The following CD81 variants were observed in gnomAD, a reference collection of about 807,000 sequenced individuals.
CD81 encodes CD81 molecule, also known as CD81 antigen.
CD81 carries 10 observed loss-of-function variants against 30.1 expected under a neutral mutation model. The observed-to-expected ratio is 0.33, with a 90% CI of 0.21 to 0.56. The LOEUF (loss-of-function observed/expected upper bound fraction) is 0.56, where lower values mean the gene tolerates loss of function less well. Ranked by LOEUF, CD81 falls within the 20% of genes least tolerant of loss-of-function variation. The pLI, the probability that CD81 is intolerant of heterozygous loss-of-function variation, is 0.89. For missense variants in CD81, 263 were observed against 308.7 expected, an observed-to-expected ratio of 0.85 and a Z score of 1.11; for synonymous variants, 147 against 126.4, an observed-to-expected ratio of 1.16 and a Z score of -1.10.
Position 2,386,520 on chromosome 11 carries a change from C to G in CD81, c.67-3892C>G, listed in dbSNP as rs947204229. On this transcript the variant is annotated intron_variant, in intron 1 of 7. Transcript: ENST00000263645. ...CGCCTCCGTTTCCTCATCCAGAAAC[C>G]GGCAGTGACCATCACCACCATTGTT... The G allele has an allele frequency of 5.6e-6, 4 of 715,458 alleles. No homozygotes were observed. In the African/African-American group the frequency reaches 7.0e-5, roughly 12 times the overall value. 44.3% of individuals were successfully genotyped at this position (715,458 alleles called of 1,614,324 possible). A position where few individuals can be genotyped will look rare whatever the true frequency, so the allele number is the denominator to read the frequency against.
chr11:2,395,844 G>T, intron 5 of CD81, 25 bp from the exon 6 acceptor site: 4 of 1,550,566 alleles, frequency 2.6e-6, no homozygotes, highest in Non-Finnish European at 3.6e-6. Context: ...ATCCAGGGCT[G>T]ACCTTGCACC....
intron 1 of CD81, among the ~76,000 whole-genome samples, chr11:2,383,803 G>A (rs1051642806): frequency 1.3e-5 from 2 of 152,262 alleles, no homozygotes; most frequent in African/African-American, 4.8e-5. Context: ...GGGTGCCTGG[G>A]CAGGACTTGG....
At chr11:2,380,112 A>G (rs968979559) in intron 1 of CD81, among the ~76,000 whole-genome samples, 17 of 152,266 alleles carry the variant, frequency 1.1e-4, no homozygotes, top group African/African-American at 3.6e-4. Flanking sequence ...GGAAGGGCTC[A>G]GGGCGTGGGT....
rs12291676 is a variant in CD81 at position 2,390,306 on chromosome 11, C to T, written c.67-106C>T. On this transcript the variant is annotated intron_variant, in intron 1 of 7. Transcript: ENST00000263645. ...GCAGAGCTGACACCTGGTCCCTGCT[C>T]GGGAGCCAGCAAGGCAGGAGGCTGC... 0.039 allele frequency: 34,657 copies of T among 882,090 alleles called. 3,836 individuals carry two copies. The highest frequency in any genetic ancestry group is 0.34 in the African/African-American group (20,649 of 61,192). The allele number at this position is 882,090 out of a possible 1,614,324, so 54.6% of individuals were successfully genotyped here.
chr11:2,388,863 GGGAGTC>G (rs755908036), intron 1 of CD81, among the ~76,000 whole-genome samples: 5 of 152,218 alleles, frequency 3.3e-5, no homozygotes, highest in African/African-American at 4.8e-5. Context: ...CCAGGCCCAT[GGGAGTC>G]GGATGGTGGC....
At chr11:2,390,228 C>T (rs1849873453) in intron 1 of CD81, 184 bp from the exon 2 acceptor site, 2 of 668,296 alleles carry the variant, frequency 3.0e-6, no homozygotes, top group Admixed American at 2.1e-5. Context: ...GCCAAAGCAC[C>T]CGCCCCATGC....
intron 1 of CD81, among the ~76,000 whole-genome samples, chr11:2,387,006 C>T (rs538879294): frequency 3.9e-5 from 6 of 152,366 alleles, no homozygotes; most frequent in Admixed American, 2.0e-4. Flanking sequence ...GCAACGTGGC[C>T]TGAAGTCCCA....
intron 1 of CD81, among the ~76,000 whole-genome samples, chr11:2,381,557 C>G (rs537453679): frequency 1.3e-5 from 2 of 152,222 alleles, no homozygotes; most frequent in Non-Finnish European, 2.9e-5. Flanking sequence ...AATCGCACCA[C>G]GGGAAGAGCT....
In CD81 at chr11:2,395,944, A is replaced by G. The variant is rs1055793941; in HGVS notation, c.535A>G (p.Ser179Gly). 6.2e-6 allele frequency: 10 copies of G among 1,611,996 alleles called. No individual in the cohort carries two copies. Among genetic ancestry groups the G allele is most frequent in the Non-Finnish European group, 8.5e-6 (10 of 1,179,352 alleles). ...VLKNNLCPSG[S>G]NIISNLFKED... ...CAAGAACAATTTGTGTCCCTCGGGC[A>G]GCAACATCATCAGCAACCTCTTCAA... Residue 179 changes from serine (S) to glycine (G), a missense_variant, in exon 6 of 8, where the codon AGC becomes GGC. Coordinates refer to ENST00000263645, the MANE Select transcript of CD81 (RefSeq NM_004356.4).
intron 4 of CD81, 181 bp from the exon 5 acceptor site, chr11:2,395,235 C>A: frequency 1.4e-6 from 1 of 727,912 alleles, no homozygotes; most frequent in Non-Finnish European, 2.4e-6. Flanking sequence ...CCAGGCCAGC[C>A]TCCCGTGTCC....
At chr11:2,388,203 C>T (rs976011933) in intron 1 of CD81, among the ~76,000 whole-genome samples, 5 of 152,248 alleles carry the variant, frequency 3.3e-5, no homozygotes, top group Non-Finnish European at 5.9e-5. Flanking sequence ...CTTGCTACCA[C>T]GCCCAGCCCC....
chr11:2,393,890 TG>T (rs1207396678), intron 2 of CD81: 1 of 700,902 alleles, frequency 1.4e-6, no homozygotes, highest in Admixed American at 2.0e-5. Flanking sequence ...GTCTCCGTCC[TG>T]TGTCATGGAA....
chr11:2,391,087 TGGA>T (rs1283168292), intron 2 of CD81: 17 of 206,532 alleles, frequency 8.2e-5, no homozygotes, highest in East Asian at 1.2e-4. Context: ...GCAGGAGTGA[TGGA>T]GGAGGAGGAG....
At chr11:2,393,934 C>T (rs946751082) in intron 2 of CD81, 161 bp from the exon 3 acceptor site, 2 of 708,848 alleles carry the variant, frequency 2.8e-6, no homozygotes, top group Non-Finnish European at 5.2e-6. Flanking sequence ...CTCACCAGGC[C>T]AGGCTGGGAT....
In CD81 at chr11:2,390,400, G is replaced by A. The variant is rs750907818; in HGVS notation, c.67-12G>A. On this transcript the variant is annotated splice_polypyrimidine_tract_variant and intron_variant, in intron 1 of 7. Coordinates refer to ENST00000263645, the MANE Select transcript of CD81 (RefSeq NM_004356.4). ...TCTTCGTACATGTGACACTGTTCCCGCTCTTTCCCAGCTGGCTGGAGGCGT... is the reference window on the plus strand; with the variant it reads ...TCTTCGTACATGTGACACTGTTCCCACTCTTTCCCAGCTGGCTGGAGGCGT... 17 of 1,606,286 alleles carry A rather than the reference G, an allele frequency of 1.1e-5. No homozygotes were observed. The highest frequency in any genetic ancestry group is 1.4e-5 in the Non-Finnish European group (17 of 1,174,374).
At chr11:2,394,848 G>A in intron 3 of CD81, 124 bp from the exon 4 acceptor site, 1 of 859,904 alleles carries the variant, frequency 1.2e-6, no homozygotes, top group South Asian at 1.3e-5. Context: ...CTCCTGGTCA[G>A]GTCGTGGGCT....
rs964612459 is a variant in CD81 at position 2,385,056 on chromosome 11, C to CCGCT, written c.67-5355_67-5352dup. Among the ~76,000 whole-genome samples the CCGCT allele has an allele frequency of 3.0e-4, 45 of 152,122 alleles. 1 individual carries two copies. Among genetic ancestry groups the CCGCT allele is most frequent in the Non-Finnish European group, 2.4e-4 (16 of 68,012 alleles). On this transcript the variant is annotated intron_variant, in intron 1 of 7. Transcript: ENST00000263645. Reference sequence around the variant, plus strand: ...GGACGCGGCTTCGGTGTTTCCCATGCCGCTGCTTGCCCCTGGGAAGCGTTG... The same window carrying CCGCT: ...GGACGCGGCTTCGGTGTTTCCCATGCCGCTCGCTGCTTGCCCCTGGGAAGCGTTG...
chr11:2,377,318 A>G lies in CD81; in HGVS notation c.-232A>G, dbSNP rs1413597704. 2 of 150,344 alleles carry G rather than the reference A, an allele frequency of 1.3e-5. No homozygotes were observed. The highest frequency in any genetic ancestry group is 4.9e-5 in the African/African-American group (2 of 40,760). 9.3% of individuals were successfully genotyped at this position (150,344 alleles called of 1,614,324 possible). A position where few individuals can be genotyped will look rare whatever the true frequency, so the allele number is the denominator to read the frequency against. ...GAGCGAGGCGCGCGCCCGGCCAGAG[A>G]GCGAGCGCGCAACGGCGGCGACGGC... On this transcript the variant is annotated 5_prime_UTR_variant, in exon 1 of 8. Transcript: ENST00000263645. The surrounding 1 kb of genome is among the most constrained non-coding windows in gnomAD (Gnocchi z 7.7).
intron 1 of CD81, chr11:2,385,613 C>T: frequency 1.6e-5 from 1 of 60,766 alleles, no homozygotes; most frequent in Non-Finnish European, 4.7e-5. Context: ...TGTCTGTGCA[C>T]CCGTGCTGTG....
Sources: gnomAD v4.1 joint callset for allele counts (sites outside exome capture counted in the v4.1 genomes callset) on GRCh38, gnomAD v4.1.1 for gene constraint, Gnocchi (gnomAD v3.1) non-coding constraint, MANE v1.5 for transcripts, NCBI Gene and HGNC (gene_info 2026-07-23, HGNC 2026-07-21) for gene names.